ADARB2: variants seen among roughly 807,000 people sequenced by gnomAD.
The protein encoded by ADARB2 is inactive double-stranded RNA-specific editase B2.
In ADARB2, 25 loss-of-function variants were observed where a neutral mutation model predicts 62.2. The ratio of observed to expected loss-of-function variants is 0.40; its 90% CI spans 0.29 to 0.56. ADARB2 has a LOEUF of 0.56. Ranked by LOEUF, ADARB2 falls within the 20% of genes least tolerant of loss-of-function variation. The pLI, the probability that ADARB2 is intolerant of heterozygous loss-of-function variation, is 0.43. For synonymous variants in ADARB2, 572 were observed against 500.8 expected, an observed-to-expected ratio of 1.14 and a Z score of -1.90; for missense variants, 1,071 against 1,077.4, an observed-to-expected ratio of 0.99 and a Z score of 0.08.
At chr10:1,392,048 G>A (rs999291003) in intron 1 of ADARB2, among the ~76,000 whole-genome samples, 2 of 152,104 alleles carry the variant, frequency 1.3e-5, no homozygotes, top group Non-Finnish European at 2.9e-5. Flanking sequence ...TTACAGGTGT[G>A]AGCCCCCGTG....
chr10:1,445,967 T>C (rs758348847), intron 1 of ADARB2, among the ~76,000 whole-genome samples: 1 of 152,216 alleles, frequency 6.6e-6, no homozygotes, highest in Non-Finnish European at 1.5e-5. Context: ...GATATTATAG[T>C]CCAAAGTGAG....
intron 4 of ADARB2, among the ~76,000 whole-genome samples, chr10:1,259,072 G>T (rs180788277): frequency 3.3e-4 from 51 of 152,282 alleles, no homozygotes; most frequent in Middle Eastern, 3.4e-3. Flanking sequence ...CGAAATGAAG[G>T]CAGAAATAAA....
rs773296233 is a variant in ADARB2 at position 1,363,843 on chromosome 10, G to C, written c.262C>G (p.Arg88Gly). Residue 88 changes from arginine (R) to glycine (G), a missense_variant, in exon 3 of 10, where the codon CGG (arginine) becomes GGG (glycine). Coordinates refer to ENST00000381312, the MANE Select transcript of ADARB2 (RefSeq NM_018702.4). ...LAARPPPSGDRARGGAPGAKR... is the reference protein window; with the variant it reads ...LAARPPPSGDGARGGAPGAKR... Reference sequence around the variant, plus strand: ...GCGCCGGGCGCGCCGCCCCGGGCCCGGTCCCCGGAGGGCGGTGGCCGCGCG... The same window carrying C: ...GCGCCGGGCGCGCCGCCCCGGGCCCCGTCCCCGGAGGGCGGTGGCCGCGCG... 1.3e-6 allele frequency: 2 copies of C among 1,549,776 alleles called. No individual in the cohort carries two copies. Among genetic ancestry groups the C allele is most frequent in the Non-Finnish European group, 1.7e-6 (2 of 1,154,992 alleles).
rs1336946397 is a variant in ADARB2, at chr10:1,233,691, T to C, written c.1513+3A>G. ...TACAGAAGGTAAAAGCATGGTCTCT[T>C]ACGGTCTGTGGTGATCTCGTAGGGA... On this transcript the variant is annotated splice_donor_region_variant and intron_variant, in intron 6 of 9. Transcript: ENST00000381312. 2.5e-6 allele frequency: 4 copies of C among 1,611,350 alleles called. No individual in the cohort carries two copies. The Admixed American group carries it at 5.0e-5, about 20-fold the overall frequency.
intron 1 of ADARB2, among the ~76,000 whole-genome samples, chr10:1,680,107 C>T (rs563567339): frequency 6.6e-6 from 1 of 152,034 alleles, no homozygotes; most frequent in Admixed American, 6.6e-5. Flanking sequence ...CTGTGTAACC[C>T]GCCACTCATA....
intron 8 of ADARB2, among the ~76,000 whole-genome samples, chr10:1,191,573 A>G (rs1053847595): frequency 3.3e-5 from 5 of 152,138 alleles, no homozygotes; most frequent in Admixed American, 2.6e-4. Context: ...TAATGGAACC[A>G]CGCTCACAGA....
At chr10:1,632,953 A>T (rs916945959) in intron 1 of ADARB2, among the ~76,000 whole-genome samples, 9 of 152,212 alleles carry the variant, frequency 5.9e-5, no homozygotes, top group African/African-American at 2.2e-4. Flanking sequence ...GCCCTTGTCC[A>T]TGTGGGTGGG....
At chr10:1,434,565 C>A (rs1049425663) in intron 1 of ADARB2, among the ~76,000 whole-genome samples, 2 of 152,092 alleles carry the variant, frequency 1.3e-5, no homozygotes, top group African/African-American at 4.8e-5. Flanking sequence ...TGAAGCATGA[C>A]AAAACAACGA....
intron 1 of ADARB2, among the ~76,000 whole-genome samples, chr10:1,543,291 G>A (rs1214756275): frequency 2.6e-5 from 4 of 152,256 alleles, no homozygotes; most frequent in Non-Finnish European, 4.4e-5. Context: ...AGAGTTGCCT[G>A]TGAAGGGCGT....
chr10:1,636,149 T>A (rs1382627056), intron 1 of ADARB2, among the ~76,000 whole-genome samples: 1 of 151,674 alleles, frequency 6.6e-6, no homozygotes, highest in Non-Finnish European at 1.5e-5. Context: ...ACGGAGCGAG[T>A]TGAGGGGGGT....
intron 1 of ADARB2, among the ~76,000 whole-genome samples, chr10:1,490,002 C>T (rs1424070743): frequency 1.3e-5 from 2 of 152,204 alleles, no homozygotes; most frequent in African/African-American, 2.4e-5. Context: ...AAGACCTCAG[C>T]CTTGCAGCTG....
chr10:1,305,826 G>A (rs1253317349), intron 3 of ADARB2, among the ~76,000 whole-genome samples: 1 of 152,102 alleles, frequency 6.6e-6, no homozygotes, highest in Non-Finnish European at 1.5e-5. Context: ...AATAGATGCA[G>A]AAAAGGCCTT....
At chr10:1,703,416 G>C (rs1240088882) in intron 1 of ADARB2, among the ~76,000 whole-genome samples, 1 of 152,176 alleles carries the variant, frequency 6.6e-6, no homozygotes, top group East Asian at 1.9e-4. Context: ...ATGCTGGTGA[G>C]CAGTGAGGAG....
intron 1 of ADARB2, among the ~76,000 whole-genome samples, chr10:1,647,767 G>A (rs942665438): frequency 1.3e-5 from 2 of 151,394 alleles, no homozygotes; most frequent in Admixed American, 1.3e-4. Context: ...TGTTGTGTAT[G>A]TGTGGTGTGT....
intron 3 of ADARB2, among the ~76,000 whole-genome samples, chr10:1,276,578 C>T (rs1197733132): frequency 6.6e-6 from 1 of 152,124 alleles, no homozygotes; most frequent in Non-Finnish European, 1.5e-5. Flanking sequence ...CATATTCACC[C>T]AATACAGGAG....
At chr10:1,607,544 C>T (rs991835254) in intron 1 of ADARB2, among the ~76,000 whole-genome samples, 3 of 152,040 alleles carry the variant, frequency 2.0e-5, no homozygotes, top group Non-Finnish European at 2.9e-5. Context: ...ACACCAGGCA[C>T]CAGCTACCGA....
chr10:1,504,093 C>A (rs1456835055), intron 1 of ADARB2, among the ~76,000 whole-genome samples: 1 of 152,172 alleles, frequency 6.6e-6, no homozygotes, highest in Non-Finnish European at 1.5e-5. Context: ...ATGAAGCAGG[C>A]ACAAATGACA....
chr10:1,407,737 G>C lies in ADARB2; in HGVS notation c.101-28577C>G, dbSNP rs1159574788. 3.3e-5 allele frequency among the ~76,000 whole-genome samples: 5 copies of C among 152,168 alleles called. No individual in the cohort carries two copies. The East Asian group carries it at 9.6e-4, about 29-fold the overall frequency. On this transcript the variant is annotated intron_variant, in intron 1 of 9. Transcript: ENST00000381312. ...GAGAGAGCTCAACCTGCTTCCCAAGGTGGTGCCCTCCCCCACCTCCAGGAT... is the reference window on the plus strand; with the variant it reads ...GAGAGAGCTCAACCTGCTTCCCAAGCTGGTGCCCTCCCCCACCTCCAGGAT...
At chr10:1,687,848 T>C (rs1834616248) in intron 1 of ADARB2, among the ~76,000 whole-genome samples, 1 of 152,082 alleles carries the variant, frequency 6.6e-6, no homozygotes, top group Non-Finnish European at 1.5e-5. Flanking sequence ...TCCACTCCTT[T>C]CCAGATTAAT....
Sources: allele counts gnomAD v4.1 joint callset (sites outside exome capture counted in the v4.1 genomes callset), GRCh38; gene constraint gnomAD v4.1.1; transcripts MANE v1.5; gene names NCBI Gene and HGNC (gene_info 2026-07-23, HGNC 2026-07-21).